CDKAL1: variants seen among roughly 807,000 people sequenced by gnomAD.
CDKAL1 encodes threonylcarbamoyladenosine tRNA methylthiotransferase.
In CDKAL1, 32 loss-of-function variants were observed where a neutral mutation model predicts 68.2. The observed-to-expected ratio is 0.47, with a 90% CI of 0.35 to 0.63. CDKAL1 has a LOEUF of 0.63. Ranked by LOEUF, CDKAL1 falls within the 30% of genes least tolerant of loss-of-function variation. The pLI is 0.00. For synonymous variants in CDKAL1, 234 were observed against 244.3 expected (o/e 0.96, Z 0.39); for missense variants, 606 against 696.7 (o/e 0.87, Z 1.47).
chr6:21,032,581 T>G (rs1769354721), intron 11 of CDKAL1, among the ~76,000 whole-genome samples: 1 of 152,218 alleles, frequency 6.6e-6, no homozygotes. Flanking sequence ...AATGACAGAC[T>G]GTGTATATGT....
At chr6:20,891,723 CAG>C (rs1366028202) in intron 9 of CDKAL1, among the ~76,000 whole-genome samples, 1 of 151,900 alleles carries the variant, frequency 6.6e-6, no homozygotes, top group African/African-American at 2.4e-5. Flanking sequence ...TTCATAGAGA[CAG>C]GGTTTCACCA....
intron 5 of CDKAL1, among the ~76,000 whole-genome samples, chr6:20,662,472 C>T (rs781690827): frequency 6.6e-6 from 1 of 152,070 alleles, no homozygotes; most frequent in Non-Finnish European, 1.5e-5. Flanking sequence ...TTTTGTAGCT[C>T]TAAGGCTGAG....
chr6:20,649,258 T>C, intron 4 of CDKAL1, 35 bp from the exon 5 acceptor site: 1 of 1,382,150 alleles, frequency 7.2e-7, no homozygotes. Context: ...TTAAGTGTGC[T>C]ACTTACTTCT....
intron 11 of CDKAL1, among the ~76,000 whole-genome samples, chr6:21,000,951 G>C (rs977482882): frequency 6.6e-6 from 1 of 152,206 alleles, no homozygotes; most frequent in Non-Finnish European, 1.5e-5. Flanking sequence ...AGACATGAAT[G>C]ATAATTTTGT....
chr6:21,122,154 C>G (rs1326154659), intron 13 of CDKAL1, among the ~76,000 whole-genome samples: 1 of 152,296 alleles, frequency 6.6e-6, no homozygotes, highest in South Asian at 2.1e-4. Context: ...AATGTTTTTA[C>G]GTAATCTGTA....
chr6:20,841,559 T>C (rs1016884168), intron 8 of CDKAL1, among the ~76,000 whole-genome samples: 16 of 152,222 alleles, frequency 1.1e-4, no homozygotes, highest in African/African-American at 3.6e-4. Context: ...TTCATTGTTA[T>C]TTCATTTGTT....
At chr6:21,108,280 T>TAAAAAAA (rs77019216) in intron 12 of CDKAL1, 121 bp from the exon 13 acceptor site, 3 of 456,234 alleles carry the variant, frequency 6.6e-6, no homozygotes, top group South Asian at 2.7e-5. Context: ...AAGAATCTCT[T>TAAAAAAA]AAAAAAAAAA....
intron 7 of CDKAL1, among the ~76,000 whole-genome samples, chr6:20,763,285 T>C (rs1308309367): frequency 6.6e-6 from 1 of 152,142 alleles, no homozygotes; most frequent in South Asian, 2.1e-4. Flanking sequence ...TGACCCTCCC[T>C]GTTTATCTTT....
rs529204715 is a variant in CDKAL1, at chr6:21,191,471, C to A, written c.1300-6550C>A. Among the ~76,000 whole-genome samples, 94 of 152,294 alleles carry A rather than the reference C, an allele frequency of 6.2e-4. 1 individual carries two copies. The highest frequency in any genetic ancestry group is 2.1e-3 in the African/African-American group (89 of 41,554). On this transcript the variant is annotated intron_variant, in intron 13 of 15. Transcript: ENST00000274695. The stretch of plus-strand genomic sequence containing the variant: ...TTTAAAAACATTGCTATTTGTTTGT[C>A]ACAGACGTTTCTCTGCTCAAGGAAA...
chr6:20,812,324 T>C (rs1776854719), intron 8 of CDKAL1, among the ~76,000 whole-genome samples: 1 of 152,204 alleles, frequency 6.6e-6, no homozygotes, highest in African/African-American at 2.4e-5. Flanking sequence ...GAAAAGCATT[T>C]CTAATGTGCT....
At chr6:21,153,660 C>A (rs1049080628) in intron 13 of CDKAL1, among the ~76,000 whole-genome samples, 1 of 152,074 alleles carries the variant, frequency 6.6e-6, no homozygotes, top group African/African-American at 2.4e-5. Context: ...AAAGACAGAA[C>A]TAACTGCTCA....
chr6:21,010,994 A>G (rs1464015693), intron 11 of CDKAL1, among the ~76,000 whole-genome samples: 1 of 149,718 alleles, frequency 6.7e-6, no homozygotes. Flanking sequence ...AGGCAGGAGA[A>G]TGGTGTGAAC....
At chr6:20,589,223 C>A (rs1337133834) in intron 4 of CDKAL1, among the ~76,000 whole-genome samples, 1 of 151,992 alleles carries the variant, frequency 6.6e-6, no homozygotes. Context: ...ACTAAAGATA[C>A]TAGTAAAGAA....
intron 9 of CDKAL1, among the ~76,000 whole-genome samples, chr6:20,867,050 G>T (rs1157247429): frequency 6.6e-6 from 1 of 152,094 alleles, no homozygotes; most frequent in Non-Finnish European, 1.5e-5. Context: ...TCTTCATACC[G>T]TGAAAGTCTG....
At chr6:20,562,595 A>C (rs980289785) in intron 4 of CDKAL1, among the ~76,000 whole-genome samples, 1 of 151,970 alleles carries the variant, frequency 6.6e-6, no homozygotes, top group Non-Finnish European at 1.5e-5. Flanking sequence ...AAAAAAAATT[A>C]ATCGGCTATG....
chr6:20,922,187 G>A (rs946180715), intron 9 of CDKAL1, among the ~76,000 whole-genome samples: 6 of 152,172 alleles, frequency 3.9e-5, no homozygotes, highest in Non-Finnish European at 7.3e-5. Flanking sequence ...AACAAATCTC[G>A]TGTTCGAATA....
intron 12 of CDKAL1, among the ~76,000 whole-genome samples, chr6:21,103,808 A>C (rs1056242727): frequency 1.3e-5 from 2 of 152,206 alleles, no homozygotes; most frequent in African/African-American, 4.8e-5. Flanking sequence ...AAATGCTTGG[A>C]GAGCTAACAG....
chr6:20,805,282 C>A (rs1421341401), intron 8 of CDKAL1, among the ~76,000 whole-genome samples: 2 of 152,116 alleles, frequency 1.3e-5, no homozygotes, highest in African/African-American at 4.8e-5. Context: ...TCTGTGAGTT[C>A]TTCTAATGAG....
intron 4 of CDKAL1, among the ~76,000 whole-genome samples, chr6:20,569,939 G>A (rs1001810658): frequency 9.9e-5 from 15 of 152,216 alleles, no homozygotes; most frequent in African/African-American, 3.4e-4. Context: ...GCTTTAATAC[G>A]TGTATCTGAG....
Sources: allele counts gnomAD v4.1 joint callset (sites outside exome capture counted in the v4.1 genomes callset), GRCh38; gene constraint gnomAD v4.1.1; transcripts MANE v1.5; gene names NCBI Gene and HGNC (gene_info 2026-07-23, HGNC 2026-07-21).